The following PRR16 variants were observed in gnomAD, a reference collection of about 807,000 sequenced individuals.
PRR16 encodes proline rich 16.
Under a neutral mutation model 18.2 loss-of-function variants are expected in PRR16, and 6 were observed. That is an observed-to-expected ratio of 0.33 (90% confidence interval 0.18 to 0.65). The LOEUF (loss-of-function observed/expected upper bound fraction) is 0.65. Ranked by LOEUF, PRR16 falls within the 30% of genes least tolerant of loss-of-function variation. The probability of loss-of-function intolerance (pLI) is 0.74; values close to 1 mark genes in which losing one functional copy is unlikely to be tolerated. For synonymous variants in PRR16, 151 were observed against 147.8 expected, an observed-to-expected ratio of 1.02 and a Z score of -0.16; for missense variants, 412 against 376.6, an observed-to-expected ratio of 1.09 and a Z score of -0.78.
intron 1 of PRR16, among the ~76,000 whole-genome samples, chr5:120,532,928 G>A (rs979776333): frequency 3.3e-5 from 5 of 152,134 alleles, no homozygotes. Context: ...GAGTGGACCT[G>A]GGTAATGTCG....
At chr5:120,658,051 G>A (rs1027849939) in intron 1 of PRR16, 5 of 151,812 alleles carry the variant, frequency 3.3e-5, no homozygotes, top group Non-Finnish European at 7.4e-5. Flanking sequence ...TGTTGTTGTT[G>A]TTGTTGTTCC....
chr5:120,736,134 A>G, the PRR16 span, among the ~76,000 whole-genome samples: 2 of 152,192 alleles, frequency 1.3e-5, no homozygotes, highest in African/African-American at 4.8e-5. Flanking sequence ...CACACACGCA[A>G]GGTTTTAATT....
the PRR16 span, among the ~76,000 whole-genome samples, chr5:120,770,859 G>A: frequency 2.0e-5 from 3 of 150,350 alleles, no homozygotes; most frequent in African/African-American, 7.3e-5. Context: ...TTTTTGCAAG[G>A]ACATACAACT....
intron 1 of PRR16, among the ~76,000 whole-genome samples, chr5:120,646,831 A>G (rs1755617171): frequency 6.6e-6 from 1 of 152,034 alleles, no homozygotes; most frequent in African/African-American, 2.4e-5. Context: ...TAAATAGGAA[A>G]GGAATAAATT....
At chr5:120,671,350 C>T (rs527384561) in intron 1 of PRR16, among the ~76,000 whole-genome samples, 1 of 152,150 alleles carries the variant, frequency 6.6e-6, no homozygotes, top group African/African-American at 2.4e-5. Flanking sequence ...TCAGTTTTAT[C>T]ATCTCAAGCT....
chr5:120,516,127 C>G, intron 1 of PRR16, among the ~76,000 whole-genome samples: 1 of 152,124 alleles, frequency 6.6e-6, no homozygotes, highest in East Asian at 1.9e-4. Context: ...CCAAACCAAA[C>G]CAAACCAAAA....
the PRR16 span, among the ~76,000 whole-genome samples, chr5:120,707,584 T>C: frequency 6.6e-6 from 1 of 152,276 alleles, no homozygotes; most frequent in South Asian, 2.1e-4. Context: ...TGCCTGACTG[T>C]TATGTTCCGT....
At chr5:120,674,385 GAAGT>G (rs1185283076) in intron 1 of PRR16, among the ~76,000 whole-genome samples, 4 of 152,124 alleles carry the variant, frequency 2.6e-5, no homozygotes, top group Non-Finnish European at 5.9e-5. Flanking sequence ...GGATGTGAAG[GAAGT>G]AAGTGTCTTT....
At chr5:120,704,601 T>C in the PRR16 span, among the ~76,000 whole-genome samples, 2 of 152,156 alleles carry the variant, frequency 1.3e-5, no homozygotes, top group African/African-American at 4.8e-5. Context: ...TATATACCAA[T>C]ATGAATCATA....
At chr5:120,618,864 C>T (rs542955194) in intron 1 of PRR16, among the ~76,000 whole-genome samples, 2 of 151,724 alleles carry the variant, frequency 1.3e-5, no homozygotes, top group South Asian at 2.1e-4. Flanking sequence ...TTCCTGAGAC[C>T]TTATTCAATG....
intron 1 of PRR16, among the ~76,000 whole-genome samples, chr5:120,501,642 GA>G (rs1750457119): frequency 6.6e-6 from 1 of 151,952 alleles, no homozygotes; most frequent in Non-Finnish European, 1.5e-5. Context: ...TATCCAAATT[GA>G]AAAATGAACA....
intron 1 of PRR16, among the ~76,000 whole-genome samples, chr5:120,530,031 G>A (rs149025767): frequency 1.7e-3 from 251 of 150,906 alleles, no homozygotes; most frequent in African/African-American, 5.7e-3. Context: ...CACTTTTTAT[G>A]AAGTTTATAT....
rs763380124 is a variant in PRR16, at chr5:120,686,268, C to G, written c.474C>G (p.Gly158=). 8 of 1,614,088 alleles carry G rather than the reference C, an allele frequency of 5.0e-6. No individual in the cohort carries two copies. Among genetic ancestry groups the G allele is most frequent in the Non-Finnish European group, 5.9e-6 (7 of 1,180,020 alleles). The change falls in exon 2 of 2, where the codon GGC becomes GGG. Residue 158 remains glycine, a synonymous_variant. Coordinates refer to ENST00000407149, the MANE Select transcript of PRR16 (RefSeq NM_001300783.2). ...KTNGTLLRNG[G]LPGGPNKIPN... is the part of the protein sequence containing the mutation. ...ATGGCACCCTTCTACGAAATGGAGG[C>G]TTACCAGGTGGACCTAACAAAATTC...
chr5:120,700,379 G>A, the PRR16 span, among the ~76,000 whole-genome samples: 814 of 152,160 alleles, frequency 5.3e-3, 8 homozygotes, highest in Non-Finnish European at 8.9e-3. Context: ...ATGAGATGGT[G>A]AGGGGTGCAT....
chr5:120,647,400 A>T (rs988656585), intron 1 of PRR16, among the ~76,000 whole-genome samples: 3 of 152,050 alleles, frequency 2.0e-5, no homozygotes, highest in Admixed American at 6.6e-5. Flanking sequence ...ATTTAAAAAA[A>T]AAAGAGATTT....
chr5:120,493,986 A>C (rs1014753312), intron 1 of PRR16, among the ~76,000 whole-genome samples: 1 of 152,180 alleles, frequency 6.6e-6, no homozygotes, highest in African/African-American at 2.4e-5. Flanking sequence ...TAACAAAGCC[A>C]CTATAAACAT....
At chr5:120,663,312 A>G (rs1243308334) in intron 1 of PRR16, among the ~76,000 whole-genome samples, 1 of 151,702 alleles carries the variant, frequency 6.6e-6, no homozygotes, top group Non-Finnish European at 1.5e-5. Flanking sequence ...TTGTGATTTT[A>G]TTGGTTACTG....
the PRR16 span, among the ~76,000 whole-genome samples, chr5:120,784,865 A>G: frequency 6.6e-6 from 1 of 152,204 alleles, no homozygotes; most frequent in Admixed American, 6.5e-5. Context: ...TGGGCTCATT[A>G]TGACCAGGAC....
At chr5:120,620,681 T>C (rs899020841) in intron 1 of PRR16, among the ~76,000 whole-genome samples, 1 of 152,098 alleles carries the variant, frequency 6.6e-6, no homozygotes, top group Non-Finnish European at 1.5e-5. Context: ...TTTTGCTGGG[T>C]CCTTGCTTCC....
Sources: gnomAD v4.1 joint callset for allele counts (sites outside exome capture counted in the v4.1 genomes callset) on GRCh38, gnomAD v4.1.1 for gene constraint, MANE v1.5 for transcripts, NCBI Gene and HGNC (gene_info 2026-07-23, HGNC 2026-07-21) for gene names.